Variants in FGD4 observed in about 807,000 individuals in gnomAD.
FGD4 encodes FYVE, RhoGEF and PH domain-containing protein 4.
FGD4 carries 42 observed loss-of-function variants against 102.0 expected under a neutral mutation model. That is an observed-to-expected ratio of 0.41 (90% CI 0.32 to 0.53). FGD4 has a LOEUF of 0.53. Ranked by LOEUF, FGD4 falls within the 20% of genes least tolerant of loss-of-function variation. FGD4 has a pLI of 0.21. For missense variants in FGD4, 902 were observed against 1,078.2 expected (o/e 0.84, Z 2.29); for synonymous variants, 380 against 375.7 (o/e 1.01, Z -0.13).
At chr12:32,588,823 T>C (rs1034590704) in intron 4 of FGD4, among the ~76,000 whole-genome samples, 1 of 152,142 alleles carries the variant, frequency 6.6e-6, no homozygotes, top group Non-Finnish European at 1.5e-5. Flanking sequence ...CCAGGAGAAT[T>C]GGGAAAGATC....
chr12:32,490,238 A>T (rs990521594), intron 1 of FGD4, among the ~76,000 whole-genome samples: 4 of 152,166 alleles, frequency 2.6e-5, no homozygotes, highest in Non-Finnish European at 5.9e-5. Flanking sequence ...TTGACTAAAA[A>T]TTCTGACATT....
At chr12:32,555,310 A>C (rs991300625) in intron 1 of FGD4, among the ~76,000 whole-genome samples, 3 of 152,152 alleles carry the variant, frequency 2.0e-5, no homozygotes, top group African/African-American at 7.2e-5. Context: ...ACCTTAAGGC[A>C]GCTACTTTTA....
rs1555193680 is a variant in FGD4 at position 32,520,440 on chromosome 12, G to GTTTTGT, written c.167-43693_167-43692insGTTTTT. Among the ~76,000 whole-genome samples the GTTTTGT allele has an allele frequency of 5.7e-4, 76 of 134,130 alleles. 1 individual carries two copies. The highest frequency in any genetic ancestry group is 1.1e-3 in the Non-Finnish European group (67 of 62,718). The allele number at this position is 134,130 out of a possible 152,430, so 88.0% of individuals were successfully genotyped here. ...TCTATTGTGGGTTTTTTTGTTTTTT[G>GTTTTGT]TTTTTTTTTTTTAGAGATGGAGTCT... On this transcript the variant is annotated intron_variant, in intron 1 of 16. Coordinates refer to ENST00000534526, the MANE Select transcript of FGD4 (RefSeq NM_001370298.3).
At chr12:32,401,352 C>T (rs1940654318) in intron 1 of FGD4, among the ~76,000 whole-genome samples, 4 of 151,736 alleles carry the variant, frequency 2.6e-5, no homozygotes, top group African/African-American at 4.8e-5. Context: ...CTCTGCCTCC[C>T]GGGTTCAAGC....
At position 32,624,661 on chromosome 12, in the gene FGD4, AC is replaced by A. The variant is rs759739765; in HGVS notation, c.1953+210del. 26 of 678,806 alleles carry A rather than the reference AC, an allele frequency of 3.8e-5. No homozygotes were observed. The African/African-American group carries it at 4.2e-4, about 11-fold the overall frequency. 42.0% of individuals were successfully genotyped at this position (678,806 alleles called of 1,614,324 possible). On this transcript the variant is annotated intron_variant, in intron 12 of 16. Transcript: ENST00000534526. ...AATTTTTTTTTTGTATTTCGTAGAG[AC>A]GAGGTTTTGCCATGCTGCCCAGGCT...
chr12:32,453,601 C>T (rs1371832509), intron 1 of FGD4, among the ~76,000 whole-genome samples: 2 of 152,094 alleles, frequency 1.3e-5, no homozygotes, highest in African/African-American at 4.8e-5. Flanking sequence ...TTTGTGTGCT[C>T]ATCCTACAGA....
intron 3 of FGD4, 36 bp from the exon 4 acceptor site, chr12:32,581,924 A>G: frequency 6.2e-7 from 1 of 1,611,124 alleles, no homozygotes; most frequent in East Asian, 2.2e-5. Context: ...TTTCCATACC[A>G]ATGTTTTCAT....
At position 32,403,293 on chromosome 12, in the gene FGD4, T is replaced by G. The variant is rs549375957; in HGVS notation, c.166+3334T>G. 2.0e-5 allele frequency among the ~76,000 whole-genome samples: 3 copies of G among 152,224 alleles called. No individual in the cohort carries two copies. In the South Asian group the frequency reaches 6.2e-4, roughly 32 times the overall value. ...CTTTGTGTATTCCTGAATGTGAAGC[T>G]CCCCATTTAAGTGAAACAGAAAGGT... On this transcript the variant is annotated intron_variant, in intron 1 of 16. Transcript: ENST00000534526.
intron 4 of FGD4, among the ~76,000 whole-genome samples, chr12:32,585,222 T>A (rs1481687139): frequency 7.7e-5 from 9 of 116,142 alleles, no homozygotes; most frequent in Admixed American, 6.2e-4. Flanking sequence ...CTCAAAAATT[T>A]TATATATATA....
intron 1 of FGD4, among the ~76,000 whole-genome samples, chr12:32,547,502 C>CAT (rs1474438083): frequency 6.6e-6 from 1 of 152,174 alleles, no homozygotes; most frequent in African/African-American, 2.4e-5. Context: ...GTATAATGGA[C>CAT]ATAAAAATGC....
At chr12:32,576,234 G>C (rs1468729082) in intron 2 of FGD4, 32 bp from the exon 3 acceptor site, 1 of 1,548,080 alleles carries the variant, frequency 6.5e-7, no homozygotes, top group Non-Finnish European at 8.7e-7. Context: ...CAAAATATCA[G>C]TGAAATACTA....
At chr12:32,409,944 T>C (rs570115197) in intron 1 of FGD4, among the ~76,000 whole-genome samples, 1 of 151,158 alleles carries the variant, frequency 6.6e-6, no homozygotes, top group Non-Finnish European at 1.5e-5. Flanking sequence ...ATTGGGAGGA[T>C]TGCTTGAGTT....
intron 1 of FGD4, among the ~76,000 whole-genome samples, chr12:32,463,799 A>G (rs563401829): frequency 6.6e-6 from 1 of 152,350 alleles, no homozygotes; most frequent in East Asian, 1.9e-4. Context: ...TTGAAGAAGC[A>G]TTAGTCCATG....
intron 1 of FGD4, among the ~76,000 whole-genome samples, chr12:32,561,975 G>T (rs1944632082): frequency 6.6e-6 from 1 of 152,166 alleles, no homozygotes; most frequent in African/African-American, 2.4e-5. Flanking sequence ...TGTGGAGTCT[G>T]AGTAAGCTAG....
intron 1 of FGD4, among the ~76,000 whole-genome samples, chr12:32,502,837 C>T (rs989321674): frequency 6.6e-6 from 1 of 152,138 alleles, no homozygotes; most frequent in Non-Finnish European, 1.5e-5. Flanking sequence ...TGCTTTGGCA[C>T]AAGTTTCAAG....
At chr12:32,431,145 A>G (rs939838202) in intron 1 of FGD4, among the ~76,000 whole-genome samples, 2 of 152,236 alleles carry the variant, frequency 1.3e-5, no homozygotes, top group African/African-American at 4.8e-5. Flanking sequence ...ATTAAAAATC[A>G]TATAACTCCC....
At chr12:32,516,705 T>C (rs900724390) in intron 1 of FGD4, among the ~76,000 whole-genome samples, 2 of 152,214 alleles carry the variant, frequency 1.3e-5, no homozygotes, top group African/African-American at 4.8e-5. Flanking sequence ...AGAATAAATA[T>C]CTCAGGCATG....
chr12:32,491,947 C>T (rs1944109488), intron 1 of FGD4, among the ~76,000 whole-genome samples: 1 of 152,192 alleles, frequency 6.6e-6, no homozygotes, highest in Non-Finnish European at 1.5e-5. Context: ...CAAATTATAG[C>T]ATCCCAATTG....
At chr12:32,529,615 T>G (rs1237138881) in intron 1 of FGD4, among the ~76,000 whole-genome samples, 1 of 150,436 alleles carries the variant, frequency 6.6e-6, no homozygotes, top group Non-Finnish European at 1.5e-5. Context: ...GAGGCTGAGG[T>G]GGGCGGATCA....
Sources: gnomAD v4.1 joint callset for allele counts (sites outside exome capture counted in the v4.1 genomes callset) on GRCh38, gnomAD v4.1.1 for gene constraint, MANE v1.5 for transcripts, NCBI Gene and HGNC (gene_info 2026-07-23, HGNC 2026-07-21) for gene names.